Variants in XIRP2 observed in about 807,000 individuals in gnomAD.
XIRP2 encodes xin actin binding repeat containing 2.
XIRP2 carries 236 observed loss-of-function variants against 277.0 expected under a neutral mutation model. That is an observed-to-expected ratio of 0.85 (90% CI 0.77 to 0.95). The LOEUF (loss-of-function observed/expected upper bound fraction) is 0.95. Ranked by LOEUF, XIRP2 falls within the 40% of genes least tolerant of loss-of-function variation. XIRP2 has a pLI of 0.00. For missense variants in XIRP2, 4,640 were observed against 4,157.5 expected, an observed-to-expected ratio of 1.12 and a Z score of -3.19; for synonymous variants, 1,490 against 1,416.5, an observed-to-expected ratio of 1.05 and a Z score of -1.17.
intron 1 of XIRP2, among the ~76,000 whole-genome samples, chr2:166,893,071 T>G (rs887649582): frequency 2.0e-5 from 3 of 151,766 alleles, no homozygotes; most frequent in African/African-American, 7.3e-5. Context: ...GCGTGTGCTG[T>G]AATTTAAAAC....
At chr2:166,907,771 C>G (rs1325138680) in intron 2 of XIRP2, among the ~76,000 whole-genome samples, 1 of 122,438 alleles carries the variant, frequency 8.2e-6, no homozygotes, top group Non-Finnish European at 1.7e-5. Context: ...CCCCTCCCCC[C>G]ACCCCATGAC....
intron 3 of XIRP2, chr2:167,187,460 C>T (rs1313732073): frequency 1.0e-6 from 1 of 985,194 alleles, no homozygotes; most frequent in Admixed American, 6.2e-5. Context: ...AGGGAGGAAG[C>T]TAGTCTGTGA....
At chr2:166,907,883 C>T (rs533664950) in intron 2 of XIRP2, among the ~76,000 whole-genome samples, 2 of 150,882 alleles carry the variant, frequency 1.3e-5, no homozygotes, top group Non-Finnish European at 1.5e-5. Flanking sequence ...TTTGTCTTTG[C>T]GTTAGTTTGC....
At chr2:167,153,402 AT>A (rs1001785781) in intron 3 of XIRP2, among the ~76,000 whole-genome samples, 2 of 150,480 alleles carry the variant, frequency 1.3e-5, no homozygotes, top group African/African-American at 2.4e-5. Context: ...AATTTTTTTT[AT>A]TTTTTTATTT....
At chr2:167,052,205 ATTC>A (rs939760467) in intron 2 of XIRP2, among the ~76,000 whole-genome samples, 10 of 152,082 alleles carry the variant, frequency 6.6e-5, no homozygotes, top group Non-Finnish European at 1.2e-4. Flanking sequence ...AAATGTTCTT[ATTC>A]TTTTTTTACA....
At chr2:167,210,318 A>G (rs1469462042) in intron 3 of XIRP2, among the ~76,000 whole-genome samples, 1 of 152,226 alleles carries the variant, frequency 6.6e-6, no homozygotes, top group Non-Finnish European at 1.5e-5. Context: ...GTTTTTTAAT[A>G]GGCGTGACTC....
At chr2:167,170,894 C>CTTTTTTTTTTTTTTT (rs773187641) in intron 3 of XIRP2, among the ~76,000 whole-genome samples, 1 of 92,700 alleles carries the variant, frequency 1.1e-5, no homozygotes, top group Non-Finnish European at 2.0e-5. Context: ...TGCCTTTCTT[C>CTTTTTTTTTTTTTTT]TTTTTTTTTT....
In XIRP2 at chr2:167,245,707, G is replaced by A; in HGVS notation, c.4315G>A (p.Val1439Ile). Reference sequence around the variant, plus strand: ...TGATAAGAATAACTATATACGAACAGTAAGTGTCAATGAAATACAAAAGGG... The same window carrying A: ...TGATAAGAATAACTATATACGAACAATAAGTGTCAATGAAATACAAAAGGG... ...NFDKNNYIRT[V>I]SVNEIQKGNV... The change falls in exon 9 of 11, where the codon GTA (valine) becomes ATA (isoleucine). Residue 1439 changes from valine to isoleucine, a missense_variant. By Grantham distance (29) the Val-to-Ile change is conservative. Transcript: ENST00000409195. The A allele has an allele frequency of 6.2e-7, 1 of 1,613,562 alleles. No individual in the cohort carries two copies. The highest frequency in any genetic ancestry group is 8.5e-7 in the Non-Finnish European group (1 of 1,179,682).
intron 3 of XIRP2, among the ~76,000 whole-genome samples, chr2:167,203,653 T>G (rs1472288307): frequency 2.6e-5 from 4 of 152,244 alleles, no homozygotes; most frequent in Non-Finnish European, 5.9e-5. Flanking sequence ...TTGCTTTCAT[T>G]TTATTCTCCA....
At chr2:167,145,792 T>C (rs66701411) in intron 3 of XIRP2, among the ~76,000 whole-genome samples, 43,307 of 152,026 alleles carry the variant, frequency 0.28, 7,723 homozygotes, top group African/African-American at 0.51. Flanking sequence ...ATTCTTTATG[T>C]TGCAGAGTAC....
chr2:167,219,884 C>T (rs541504649), intron 5 of XIRP2, among the ~76,000 whole-genome samples: 1 of 152,200 alleles, frequency 6.6e-6, no homozygotes, highest in South Asian at 2.1e-4. Context: ...ATCTGTGAAA[C>T]TTGATATTGG....
chr2:167,046,163 A>C (rs1688782886), intron 2 of XIRP2, among the ~76,000 whole-genome samples: 2 of 151,942 alleles, frequency 1.3e-5, no homozygotes. Flanking sequence ...GTCAGCTTGG[A>C]CATTATTGGT....
intron 5 of XIRP2, among the ~76,000 whole-genome samples, chr2:167,227,220 CA>C (rs1373442760): frequency 3.9e-5 from 6 of 151,992 alleles, no homozygotes; most frequent in Non-Finnish European, 8.8e-5. Context: ...ATAACTACTG[CA>C]GTCAAAAAAT....
chr2:167,189,106 T>C (rs1169645089), intron 3 of XIRP2, among the ~76,000 whole-genome samples: 1 of 152,194 alleles, frequency 6.6e-6, no homozygotes, highest in African/African-American at 2.4e-5. Context: ...TCCCTTTACC[T>C]TTACCATGTT....
chr2:167,178,039 A>C (rs1007990734), intron 3 of XIRP2, among the ~76,000 whole-genome samples: 8 of 151,522 alleles, frequency 5.3e-5, no homozygotes, highest in Admixed American at 2.0e-4. Flanking sequence ...GTAAAAACAA[A>C]AAAAAAAAAA....
intron 5 of XIRP2, among the ~76,000 whole-genome samples, chr2:167,237,523 G>A (rs561208908): frequency 6.6e-6 from 1 of 152,174 alleles, no homozygotes; most frequent in Non-Finnish European, 1.5e-5. Context: ...CTAAAAGCCA[G>A]ACTCTGCCAT....
At chr2:167,162,346 C>T (rs1008108439) in intron 3 of XIRP2, among the ~76,000 whole-genome samples, 1 of 152,206 alleles carries the variant, frequency 6.6e-6, no homozygotes, top group African/African-American at 2.4e-5. Context: ...AAAGACATTC[C>T]TGAGACTGGG....
chr2:167,086,597 G>A (rs1689952446), intron 2 of XIRP2, among the ~76,000 whole-genome samples: 1 of 151,578 alleles, frequency 6.6e-6, no homozygotes, highest in African/African-American at 2.4e-5. Flanking sequence ...ACGTAGATTT[G>A]GTCTTTTCAC....
intron 2 of XIRP2, among the ~76,000 whole-genome samples, chr2:167,026,370 C>A (rs1272973407): frequency 6.6e-6 from 1 of 152,044 alleles, no homozygotes; most frequent in East Asian, 1.9e-4. Context: ...AGATGGGTTT[C>A]CTGAATACAG....
Sources: allele counts gnomAD v4.1 joint callset (sites outside exome capture counted in the v4.1 genomes callset), GRCh38; gene constraint gnomAD v4.1.1; transcripts MANE v1.5; gene names NCBI Gene and HGNC (gene_info 2026-07-23, HGNC 2026-07-21).